ITIH6: variants seen among roughly 807,000 people sequenced by gnomAD.
The protein encoded by ITIH6 is inter-alpha-trypsin inhibitor heavy chain H6.
In ITIH6, 60 loss-of-function variants were observed where a neutral mutation model predicts 58.2. That is an observed-to-expected ratio of 1.03 (90% CI 0.84 to 1.28). The LOEUF is 1.28. Among genes scored for constraint, ITIH6 ranks in the 50% most tolerant of loss-of-function variants. The pLI is 0.00. For missense variants in ITIH6, 1,290 were observed against 1,021.1 expected (o/e 1.26, Z -3.59); for synonymous variants, 493 against 417.4 (o/e 1.18, Z -2.21).
chrX:54,751,093 A>G lies in ITIH6; in HGVS notation c.3640T>C (p.Tyr1214His). ...YLEFLVLRHR[Y>H]RHPSTLQLPH... ...AGTTGCAGGGTACTGGGATGCCTGT[A>G]GCGGTGTCGGAGGACTAGGAACTCA... is the stretch of plus-strand genomic sequence containing the variant. Residue 1214 changes from tyrosine to histidine, a missense_variant, in exon 12 of 13, where the codon TAC becomes CAC. By Grantham distance (83) the Tyr-to-His change is moderately conservative. Coordinates refer to ENST00000218436, the MANE Select transcript of ITIH6 (RefSeq NM_198510.3). The G allele has an allele frequency of 8.3e-7, 1 of 1,205,021 alleles. No individual in the cohort carries two copies. Among genetic ancestry groups the G allele is most frequent in the Non-Finnish European group, 1.1e-6 (1 of 892,195 alleles).
In ITIH6 at chrX:54,770,078, A is replaced by G. The variant is rs12012925; in HGVS notation, c.903+4003T>C. Among the ~76,000 whole-genome samples, 9 of 111,822 alleles carry G rather than the reference A, an allele frequency of 8.0e-5. No individual in the cohort carries two copies. The South Asian group carries it at 1.1e-3, about 14-fold the overall frequency. On this transcript the variant is annotated intron_variant, in intron 6 of 12. Coordinates refer to ENST00000218436, the MANE Select transcript of ITIH6 (RefSeq NM_198510.3). ...CGAGCCAGGTGTGGGATATAGTCTC[A>G]TGGTGCGCCGTTTTTTAAGCCGGTC...
chrX:54,751,596 T>C (rs1268136915), intron 11 of ITIH6, among the ~76,000 whole-genome samples: 2 of 112,125 alleles, frequency 1.8e-5, no homozygotes, highest in Non-Finnish European at 3.8e-5. Flanking sequence ...CCCAGTGTGG[T>C]TGTTTGCATA....
At chrX:54,753,215 G>A (rs1393908217) in intron 11 of ITIH6, among the ~76,000 whole-genome samples, 1 of 112,579 alleles carries the variant, frequency 8.9e-6, no homozygotes, top group East Asian at 2.8e-4. Flanking sequence ...ATGGCACCCA[G>A]TTTTCTTCAT....
In ITIH6 at chrX:54,754,559, C is replaced by A. The variant is rs144656153; in HGVS notation, c.3202+458G>T. Among the ~76,000 whole-genome samples, 385 of 111,518 alleles carry A rather than the reference C, an allele frequency of 3.5e-3. 2 individuals carry two copies. The highest frequency in any genetic ancestry group is 0.012 in the African/African-American group (364 of 30,655). On this transcript the variant is annotated intron_variant, in intron 9 of 12. Transcript: ENST00000218436. ...GCATTAGGGGAATGCTCCATAGCTG[C>A]CTTTGAAGATGGAGGGGGACCACAT...
chrX:54,768,558 C>A lies in ITIH6; in HGVS notation c.903+5523G>T, dbSNP rs1182201165. On this transcript the variant is annotated intron_variant, in intron 6 of 12. Transcript: ENST00000218436. ...TTGTTCCTTTCCATGTTTAGTGCTT[C>A]CTTCAGGAGCTCTTTTAGGGCAGGC... Among the ~76,000 whole-genome samples the A allele has an allele frequency of 1.9e-5, 2 of 105,305 alleles. 1 individual carries two copies. Among genetic ancestry groups the A allele is most frequent in the African/African-American group, 7.2e-5 (2 of 27,842 alleles). 91.4% of individuals were successfully genotyped at this position (105,305 alleles called of 115,157 possible).
chrX:54,770,149 C>G (rs1019815921), intron 6 of ITIH6, among the ~76,000 whole-genome samples: 2 of 112,477 alleles, frequency 1.8e-5, no homozygotes, highest in Non-Finnish European at 3.8e-5. Flanking sequence ...TTTTCAGGTG[C>G]GTCCCTCACC....
At chrX:54,766,982 A>G (rs1390252604) in intron 6 of ITIH6, among the ~76,000 whole-genome samples, 2 of 109,430 alleles carry the variant, frequency 1.8e-5, no homozygotes, top group Non-Finnish European at 3.8e-5. Flanking sequence ...TCCTCCTTGT[A>G]CCTCTGGTAG....
At position 54,757,528 on chromosome X, in the gene ITIH6, G is replaced by A. The variant is rs768567881; in HGVS notation, c.2546C>T (p.Thr849Ile). ...HLGPGILLSK[T>I]PKILLSLKPS... Reference sequence around the variant, plus strand: ...TTTAAGAGATAATAAGATTTTAGGGGTCTTGGACAAGAGGATTCCAGGCCC... The same window carrying A: ...TTTAAGAGATAATAAGATTTTAGGGATCTTGGACAAGAGGATTCCAGGCCC... Residue 849 changes from threonine (T) to isoleucine (I), a missense_variant, in exon 8 of 13, where the codon ACC becomes ATC. Thr to Ile is a moderately conservative substitution (Grantham distance 89). Transcript: ENST00000218436. The A allele has an allele frequency of 3.7e-5, 45 of 1,208,222 alleles. No homozygotes were observed. In the South Asian group the frequency reaches 7.6e-4, roughly 20 times the overall value.
At chrX:54,791,120 G>A in intron 3 of ITIH6, 36 bp from the exon 4 acceptor site, 3 of 1,201,400 alleles carry the variant, frequency 2.5e-6, no homozygotes, top group Non-Finnish European at 3.4e-6. Flanking sequence ...GAAGAGAAAG[G>A]GACCTTCAGA....
intron 5 of ITIH6, among the ~76,000 whole-genome samples, chrX:54,782,550 C>T (rs752205536): frequency 3.6e-5 from 4 of 111,828 alleles, no homozygotes; most frequent in Non-Finnish European, 7.5e-5. Flanking sequence ...TTTATGTGTA[C>T]CCTTGAACTT....
Position 54,757,004 on chromosome X carries a change from G to A in ITIH6, c.3070C>T (p.Pro1024Ser). ...VESKFVESLN[P>S]PAFYTFLTPD... The stretch of plus-strand genomic sequence containing the variant: ...GTGAGGAAGGTATAGAAAGCTGGTG[G>A]GTTCAAGGACTCCACGAACTTGGAT... Residue 1024 changes from proline to serine, a missense_variant, in exon 8 of 13, where the codon CCA becomes TCA. Pro to Ser is a moderately conservative substitution (Grantham distance 74). Transcript: ENST00000218436. The A allele has an allele frequency of 8.3e-7, 1 of 1,203,991 alleles. No homozygotes were observed. The highest frequency in any genetic ancestry group is 1.1e-6 in the Non-Finnish European group (1 of 891,240).
intron 10 of ITIH6, 69 bp from the exon 11 acceptor site, chrX:54,753,833 G>A: frequency 1.0e-5 from 11 of 1,102,872 alleles, no homozygotes; most frequent in Non-Finnish European, 1.4e-5. Context: ...GAGAGAGGAG[G>A]GAAAGGGAAG....
intron 5 of ITIH6, among the ~76,000 whole-genome samples, chrX:54,783,003 A>G (rs779357237): frequency 9.8e-5 from 11 of 112,500 alleles, no homozygotes; most frequent in Non-Finnish European, 1.7e-4. Context: ...ACCAAGTGGG[A>G]TTTATCCCTG....
chrX:54,765,401 G>A (rs1182716590), intron 6 of ITIH6, among the ~76,000 whole-genome samples: 27 of 85,418 alleles, frequency 3.2e-4, no homozygotes, highest in Middle Eastern at 0.012. Flanking sequence ...TAGGTCTAAC[G>A]TTTAAATCTT....
intron 12 of ITIH6, among the ~76,000 whole-genome samples, chrX:54,750,558 G>C (rs754132593): frequency 9.0e-6 from 1 of 111,555 alleles, no homozygotes; most frequent in Non-Finnish European, 1.9e-5. Flanking sequence ...AGATATGACT[G>C]TGTCTCTCCT....
At chrX:54,764,712 A>G (rs1928731254) in intron 6 of ITIH6, among the ~76,000 whole-genome samples, 4 of 92,436 alleles carry the variant, frequency 4.3e-5, no homozygotes, top group Admixed American at 1.2e-4. Flanking sequence ...TAATGCCACA[A>G]TAAACATACG....
chrX:54,749,170 AATTCATTC>A lies in ITIH6; in HGVS notation c.*717_*724del, dbSNP rs1411575702. On this transcript the variant is annotated 3_prime_UTR_variant, in exon 13 of 13. Coordinates refer to ENST00000218436, the MANE Select transcript of ITIH6 (RefSeq NM_198510.3). Reference sequence around the variant, plus strand: ...TGGGATCCTTTTTTGTTAATTAATTAATTCATTCTTTTAACAAATATTTACTAAGCACC... The same window carrying A: ...TGGGATCCTTTTTTGTTAATTAATTATTTTAACAAATATTTACTAAGCACC... The A allele has an allele frequency of 9.0e-6, 1 of 111,287 alleles. No individual in the cohort carries two copies. 9.2% of individuals were successfully genotyped at this position (111,287 alleles called of 1,213,427 possible). A position where few individuals can be genotyped will look rare whatever the true frequency, so the allele number is the denominator to read the frequency against.
intron 3 of ITIH6, 87 bp downstream of exon 3, chrX:54,791,839 G>GAGACT: frequency 1.9e-6 from 1 of 534,385 alleles, no homozygotes; most frequent in Non-Finnish European, 3.3e-6. Context: ...TGCAGAGATG[G>GAGACT]AGACTGAGGA....
chrX:54,758,592 G>A lies in ITIH6; in HGVS notation c.1482C>T (p.Phe494=), dbSNP rs1004145096. Residue 494 remains phenylalanine, a synonymous_variant, in exon 8 of 13, where the codon TTC becomes TTT. Coordinates refer to ENST00000218436, the MANE Select transcript of ITIH6 (RefSeq NM_198510.3). ...GLVGASPWAV[F]PNYFGGSELV... is the part of the protein sequence containing the mutation. Reference sequence around the variant, plus strand: ...GCTCAGAGCCACCAAAGTAGTTGGGGAAAACGGCCCAAGGGGAGGCCCCAA... The same window carrying A: ...GCTCAGAGCCACCAAAGTAGTTGGGAAAAACGGCCCAAGGGGAGGCCCCAA... The A allele has an allele frequency of 7.4e-6, 9 of 1,209,355 alleles. No individual in the cohort carries two copies. Among genetic ancestry groups the A allele is most frequent in the Non-Finnish European group, 7.8e-6 (7 of 894,927 alleles).
Sources: allele counts gnomAD v4.1 joint callset (sites outside exome capture counted in the v4.1 genomes callset), GRCh38; gene constraint gnomAD v4.1.1; transcripts MANE v1.5; gene names NCBI Gene and HGNC (gene_info 2026-07-23, HGNC 2026-07-21).